The following DEPDC1B variants were observed in gnomAD, a reference collection of about 807,000 sequenced individuals.
DEPDC1B encodes DEP domain-containing protein 1B.
DEPDC1B carries 51 observed loss-of-function variants against 66.5 expected under a neutral mutation model. That is an observed-to-expected ratio of 0.77 (90% confidence interval 0.61 to 0.97). The LOEUF is 0.97. Among genes scored for constraint, DEPDC1B ranks in the 50% least tolerant of loss-of-function variants. DEPDC1B has a pLI of 0.00. For missense variants in DEPDC1B, 552 were observed against 637.1 expected, an observed-to-expected ratio of 0.87 and a Z score of 1.44; for synonymous variants, 226 against 223.6, an observed-to-expected ratio of 1.01 and a Z score of -0.10.
chr5:60,605,893 C>T, intron 7 of DEPDC1B, 37 bp from the exon 8 acceptor site: 1 of 1,559,976 alleles, frequency 6.4e-7, no homozygotes. Context: ...CTTTCAACAC[C>T]TATAGCCTAG....
chr5:60,633,961 T>C (rs1752982955), intron 7 of DEPDC1B, among the ~76,000 whole-genome samples: 1 of 152,130 alleles, frequency 6.6e-6, no homozygotes. Context: ...AGCACAATGT[T>C]GGGTGTGTGA....
chr5:60,631,776 CACAGGGTTCTAGGG>C (rs1469686407), intron 7 of DEPDC1B, among the ~76,000 whole-genome samples: 1 of 152,212 alleles, frequency 6.6e-6, no homozygotes, highest in Admixed American at 6.5e-5. Context: ...AGTCAATCAA[CACAGGGTTCTAGGG>C]TCTCACTGAA....
intron 2 of DEPDC1B, among the ~76,000 whole-genome samples, chr5:60,654,861 T>G (rs1349315722): frequency 1.3e-5 from 2 of 149,010 alleles, no homozygotes; most frequent in Non-Finnish European, 2.9e-5. Flanking sequence ...TGTCAAATGC[T>G]CTTTCTGTGT....
chr5:60,601,834 A>G (rs1357819313), intron 9 of DEPDC1B, among the ~76,000 whole-genome samples: 1 of 152,150 alleles, frequency 6.6e-6, no homozygotes, highest in African/African-American at 2.4e-5. Context: ...GCCCACATGT[A>G]TTTTAATCAC....
At chr5:60,691,202 C>T (rs916107293) in intron 1 of DEPDC1B, among the ~76,000 whole-genome samples, 11 of 151,826 alleles carry the variant, frequency 7.2e-5, no homozygotes, top group African/African-American at 2.4e-4. Flanking sequence ...TACAGGCATG[C>T]GCCACCACAC....
chr5:60,607,169 A>G (rs1419958945), intron 7 of DEPDC1B, among the ~76,000 whole-genome samples: 2 of 152,194 alleles, frequency 1.3e-5, no homozygotes, highest in African/African-American at 4.8e-5. Context: ...ACATGCAGTT[A>G]TGAGGGGAAT....
intron 8 of DEPDC1B, among the ~76,000 whole-genome samples, chr5:60,604,720 A>AT (rs1752275370): frequency 6.6e-6 from 1 of 152,178 alleles, no homozygotes; most frequent in South Asian, 2.1e-4. Flanking sequence ...CAGGCAGAGA[A>AT]TTTTTTGCCT....
At chr5:60,617,265 A>G (rs1325278070) in intron 7 of DEPDC1B, among the ~76,000 whole-genome samples, 1 of 152,248 alleles carries the variant, frequency 6.6e-6, no homozygotes, top group Non-Finnish European at 1.5e-5. Flanking sequence ...TCATAATGAC[A>G]GGATCAAATT....
Position 60,625,110 on chromosome 5 carries a change from GTA to G in DEPDC1B, c.898+13638_898+13639del, listed in dbSNP as rs545957876. Among the ~76,000 whole-genome samples, 170 of 152,272 alleles carry G rather than the reference GTA, an allele frequency of 1.1e-3. 1 individual carries two copies. Among genetic ancestry groups the G allele is most frequent in the African/African-American group, 4.1e-3 (169 of 41,542 alleles). On this transcript the variant is annotated intron_variant, in intron 7 of 10. Coordinates refer to ENST00000265036, the MANE Select transcript of DEPDC1B (RefSeq NM_018369.3). ...TTATAGCTGCATAGTATTCCCTGGT[GTA>G]TATGTGCTACATTGTCTTCATCCAG...
intron 9 of DEPDC1B, among the ~76,000 whole-genome samples, chr5:60,602,050 A>G (rs1362804762): frequency 1.3e-5 from 2 of 150,680 alleles, no homozygotes; most frequent in African/African-American, 2.5e-5. Context: ...ATGCCAATCA[A>G]CAATATTTAA....
At chr5:60,618,371 C>T (rs1752615505) in intron 7 of DEPDC1B, among the ~76,000 whole-genome samples, 1 of 151,906 alleles carries the variant, frequency 6.6e-6, no homozygotes, top group South Asian at 2.1e-4. Flanking sequence ...AAAAGATCAA[C>T]AAAATTGATA....
intron 2 of DEPDC1B, among the ~76,000 whole-genome samples, chr5:60,679,316 A>G (rs186429351): frequency 1.3e-5 from 2 of 152,366 alleles, no homozygotes; most frequent in Admixed American, 1.3e-4. Flanking sequence ...ACTAAGCCAT[A>G]AAACTGGGTA....
chr5:60,601,622 G>A (rs1002612743), intron 9 of DEPDC1B, among the ~76,000 whole-genome samples: 22 of 152,048 alleles, frequency 1.4e-4, no homozygotes, highest in Non-Finnish European at 2.4e-4. Flanking sequence ...CAAAATGGGG[G>A]AAAGCATGAA....
chr5:60,627,854 T>A (rs775256066), intron 7 of DEPDC1B, among the ~76,000 whole-genome samples: 11 of 152,188 alleles, frequency 7.2e-5, no homozygotes, highest in Non-Finnish European at 1.6e-4. Flanking sequence ...TTAACTTTCA[T>A]GTTTTTATAT....
chr5:60,631,665 A>G (rs1261730733), intron 7 of DEPDC1B, among the ~76,000 whole-genome samples: 1 of 152,242 alleles, frequency 6.6e-6, no homozygotes, highest in Non-Finnish European at 1.5e-5. Flanking sequence ...CTATTAGCAC[A>G]GATATCTCCA....
chr5:60,634,450 A>G (rs1012177269), intron 7 of DEPDC1B, among the ~76,000 whole-genome samples: 5 of 152,112 alleles, frequency 3.3e-5, no homozygotes, highest in African/African-American at 1.2e-4. Flanking sequence ...AGGCGGGCGG[A>G]TCACGAGATT....
intron 7 of DEPDC1B, among the ~76,000 whole-genome samples, chr5:60,621,516 A>G (rs1392767791): frequency 1.3e-5 from 2 of 151,812 alleles, no homozygotes; most frequent in African/African-American, 4.8e-5. Flanking sequence ...GGGGAATATA[A>G]CACACCGGGG....
At chr5:60,609,506 T>C (rs1177387749) in intron 7 of DEPDC1B, among the ~76,000 whole-genome samples, 1 of 152,082 alleles carries the variant, frequency 6.6e-6, no homozygotes, top group African/African-American at 2.4e-5. Context: ...CAATATTGGA[T>C]AATGTGGAAG....
At chr5:60,615,622 C>A (rs1023469090) in intron 7 of DEPDC1B, among the ~76,000 whole-genome samples, 1 of 152,192 alleles carries the variant, frequency 6.6e-6, no homozygotes, top group African/African-American at 2.4e-5. Context: ...ATTGCCCAGG[C>A]TTGAGTAGGT....
Sources: allele counts gnomAD v4.1 joint callset (sites outside exome capture counted in the v4.1 genomes callset), GRCh38; gene constraint gnomAD v4.1.1; transcripts MANE v1.5; gene names NCBI Gene and HGNC (gene_info 2026-07-23, HGNC 2026-07-21).